KLHL29: variants seen among roughly 807,000 people sequenced by gnomAD.
KLHL29 encodes the protein kelch-like protein 29.
In KLHL29, 21 loss-of-function variants were observed where a neutral mutation model predicts 80.4. The ratio of observed to expected loss-of-function variants is 0.26; its 90% CI spans 0.19 to 0.38. The LOEUF is 0.38. Among genes scored for constraint, KLHL29 ranks in the 10% least tolerant of loss-of-function variants. KLHL29 has a pLI of 1.00. For synonymous variants in KLHL29, 511 were observed against 526.8 expected, an observed-to-expected ratio of 0.97 and a Z score of 0.41; for missense variants, 867 against 1,223.9, an observed-to-expected ratio of 0.71 and a Z score of 4.35.
intron 13 of KLHL29, among the ~76,000 whole-genome samples, chr2:23,705,665 T>C (rs1053213573): frequency 2.0e-5 from 3 of 152,176 alleles, no homozygotes; most frequent in African/African-American, 7.2e-5. Context: ...TCCAGACTGA[T>C]GTGTTCTCTT....
chr2:23,448,577 A>G (rs916723595), intron 1 of KLHL29, among the ~76,000 whole-genome samples: 2 of 152,212 alleles, frequency 1.3e-5, no homozygotes, highest in East Asian at 3.8e-4. Flanking sequence ...AGGACACTGC[A>G]TGGCTGGACC....
rs191695849 is a variant in KLHL29 at position 23,436,061 on chromosome 2, T to C, written c.-153-39499T>C. ...GGGCTTTTCAAATCTCCAACTCCTC[T>C]TAAAGTATACAGCCTCTGTGATGGC... On this transcript the variant is annotated intron_variant, in intron 1 of 13. Transcript: ENST00000486442. 2.0e-4 allele frequency among the ~76,000 whole-genome samples: 30 copies of C among 152,314 alleles called. No individual in the cohort carries two copies. The East Asian group carries it at 5.4e-3, about 27-fold the overall frequency.
chr2:23,552,344 C>G (rs1558385117), intron 2 of KLHL29, among the ~76,000 whole-genome samples: 1 of 152,190 alleles, frequency 6.6e-6, no homozygotes, highest in Non-Finnish European at 1.5e-5. Context: ...GGTATATTCC[C>G]AAACACATCA....
intron 11 of KLHL29, among the ~76,000 whole-genome samples, chr2:23,698,185 A>G (rs6756280): frequency 0.54 from 81,633 of 152,080 alleles, 22,652 homozygotes; most frequent in East Asian, 0.79. Flanking sequence ...GCATGGGCAC[A>G]GTGTGAGCGA....
Position 23,611,391 on chromosome 2 carries a change from T to G in KLHL29, c.286-27748T>G, listed in dbSNP as rs10187189. Among the ~76,000 whole-genome samples the G allele has an allele frequency of 8.3e-3, 1,268 of 152,256 alleles. 19 individuals carry two copies. The highest frequency in any genetic ancestry group is 0.029 in the African/African-American group (1,201 of 41,534). On this transcript the variant is annotated intron_variant, in intron 3 of 13. Coordinates refer to ENST00000486442, the MANE Select transcript of KLHL29 (RefSeq NM_052920.2). The stretch of plus-strand genomic sequence containing the variant: ...CAGTGGGTTCCAGTGACCCCTGTAC[T>G]TTCTTTGGCCTGGGACTCTGAAGGG...
At position 23,562,216 on chromosome 2, in the gene KLHL29, G is replaced by T. The variant is rs987740761; in HGVS notation, c.20G>T (p.Arg7Leu). 3.9e-6 allele frequency: 6 copies of T among 1,550,538 alleles called. No homozygotes were observed. The highest frequency in any genetic ancestry group is 1.4e-5 in the African/African-American group (1 of 73,030). MSRHHS[R>L]FERDYRVGWD... Reference sequence around the variant, plus strand: ...ACCGAGATGTCCCGGCACCATAGCCGCTTCGAAAGAGATTACCGGGTGGGC... The same window carrying T: ...ACCGAGATGTCCCGGCACCATAGCCTCTTCGAAAGAGATTACCGGGTGGGC... Residue 7 changes from arginine to leucine, a missense_variant, in exon 3 of 14, where the codon CGC (arginine) becomes CTC (leucine). Arg to Leu is a moderately radical substitution (Grantham distance 102). Coordinates refer to ENST00000486442, the MANE Select transcript of KLHL29 (RefSeq NM_052920.2). The surrounding 1 kb of genome is among the most constrained non-coding windows in gnomAD (Gnocchi z 4.5).
At chr2:23,625,238 C>G (rs774649621) in intron 3 of KLHL29, among the ~76,000 whole-genome samples, 13 of 152,186 alleles carry the variant, frequency 8.5e-5, no homozygotes, top group Non-Finnish European at 7.3e-5. Context: ...CAGCAGGACA[C>G]GGGGTATAAC....
intron 1 of KLHL29, among the ~76,000 whole-genome samples, chr2:23,406,225 G>A (rs550580320): frequency 6.7e-4 from 101 of 151,128 alleles, no homozygotes; most frequent in Non-Finnish European, 6.5e-4. Flanking sequence ...CTACTCGGGA[G>A]GCTGAGGCAG....
intron 3 of KLHL29, among the ~76,000 whole-genome samples, chr2:23,635,138 G>A (rs1365066964): frequency 6.6e-6 from 1 of 152,208 alleles, no homozygotes; most frequent in Non-Finnish European, 1.5e-5. Flanking sequence ...GCACCTTTGT[G>A]CAAAGTAGAA....
At chr2:23,407,357 G>C (rs1364483811) in intron 1 of KLHL29, among the ~76,000 whole-genome samples, 1 of 151,846 alleles carries the variant, frequency 6.6e-6, no homozygotes, top group Non-Finnish European at 1.5e-5. Flanking sequence ...GGTGAGTAAT[G>C]GTATCTCGTG....
chr2:23,448,802 C>T (rs1424078490), intron 1 of KLHL29, among the ~76,000 whole-genome samples: 1 of 152,292 alleles, frequency 6.6e-6, no homozygotes, highest in African/African-American at 2.4e-5. Flanking sequence ...CCTGTGCTTG[C>T]CAGAGAACGG....
chr2:23,593,827 A>G (rs1668328039), intron 3 of KLHL29, among the ~76,000 whole-genome samples: 2 of 152,204 alleles, frequency 1.3e-5, no homozygotes, highest in Admixed American at 6.5e-5. Flanking sequence ...CATTTTACAC[A>G]TAAGAGGTGG....
intron 1 of KLHL29, among the ~76,000 whole-genome samples, chr2:23,446,295 C>G (rs779997608): frequency 7.9e-5 from 12 of 151,540 alleles, no homozygotes; most frequent in Non-Finnish European, 1.0e-4. Context: ...GTTTGAGATG[C>G]TACCTTTATC....
intron 2 of KLHL29, among the ~76,000 whole-genome samples, chr2:23,513,867 A>G (rs1665849328): frequency 6.6e-6 from 1 of 152,210 alleles, no homozygotes; most frequent in Admixed American, 6.5e-5. Flanking sequence ...TTCTATGATT[A>G]TTATTTTAAC....
At chr2:23,575,375 C>A (rs1667818052) in intron 3 of KLHL29, among the ~76,000 whole-genome samples, 1 of 152,210 alleles carries the variant, frequency 6.6e-6, no homozygotes, top group Admixed American at 6.5e-5. Context: ...CACTTTAACC[C>A]TGTGCAGTCA....
chr2:23,447,319 A>G (rs1018946914), intron 1 of KLHL29, among the ~76,000 whole-genome samples: 1 of 152,084 alleles, frequency 6.6e-6, no homozygotes, highest in African/African-American at 2.4e-5. Context: ...GTGCCCATTG[A>G]ACTTGTGCAT....
At chr2:23,552,162 C>G (rs1267255786) in intron 2 of KLHL29, among the ~76,000 whole-genome samples, 2 of 152,222 alleles carry the variant, frequency 1.3e-5, no homozygotes, top group Admixed American at 1.3e-4. Flanking sequence ...TCTCCAAATC[C>G]TCTTTGGCTT....
At chr2:23,533,949 A>T (rs1476683030) in intron 2 of KLHL29, among the ~76,000 whole-genome samples, 43 of 129,034 alleles carry the variant, frequency 3.3e-4, no homozygotes, top group Non-Finnish European at 6.0e-4. Flanking sequence ...TTTTTTTTTT[A>T]AAGAAACGTG....
chr2:23,508,862 C>T (rs539511099), intron 2 of KLHL29, among the ~76,000 whole-genome samples: 13 of 152,314 alleles, frequency 8.5e-5, no homozygotes, highest in Non-Finnish European at 1.6e-4. Flanking sequence ...AGGCAGCTTC[C>T]CTGTCATGGA....
Sources: allele counts gnomAD v4.1 joint callset (sites outside exome capture counted in the v4.1 genomes callset), GRCh38; gene constraint gnomAD v4.1.1; non-coding constraint Gnocchi (gnomAD v3.1); transcripts MANE v1.5; gene names NCBI Gene and HGNC (gene_info 2026-07-23, HGNC 2026-07-21).